Variants in CYP19A1 observed in about 807,000 individuals in gnomAD.
CYP19A1 encodes aromatase.
In CYP19A1, 32 loss-of-function variants were observed where a neutral mutation model predicts 44.4. The observed-to-expected ratio is 0.72, with a 90% CI of 0.54 to 0.97. The LOEUF (loss-of-function observed/expected upper bound fraction) is 0.97, where lower values mean the gene tolerates loss of function less well. Among genes scored for constraint, CYP19A1 ranks in the 50% least tolerant of loss-of-function variants. CYP19A1 has a pLI of 0.00. For synonymous variants in CYP19A1, 212 were observed against 215.6 expected (o/e 0.98, Z 0.14); for missense variants, 598 against 637.8 (o/e 0.94, Z 0.67).
rs2032210739 is a variant in CYP19A1 at position 51,222,602 on chromosome 15, T to TA, written c.452-78_452-77insT. The TA allele has an allele frequency of 5.3e-6, 6 of 1,138,846 alleles. No homozygotes were observed. The Admixed American group carries it at 9.6e-5, about 18-fold the overall frequency. The allele number at this position is 1,138,846 out of a possible 1,614,324, so 70.5% of individuals were successfully genotyped here. On this transcript the variant is annotated intron_variant, in intron 4 of 9. Coordinates refer to ENST00000396402, the MANE Select transcript of CYP19A1 (RefSeq NM_000103.4). Reference sequence around the variant, plus strand: ...ACAATCATGCCATTTTGGCTTTTTATGTTGGAGCTTAATTGTCCACAATTT... The same window carrying TA: ...ACAATCATGCCATTTTGGCTTTTTATAGTTGGAGCTTAATTGTCCACAATTT...
intron 1 of CYP19A1, among the ~76,000 whole-genome samples, chr15:51,329,455 A>G (rs1006149206): frequency 6.6e-6 from 1 of 152,238 alleles, no homozygotes; most frequent in Admixed American, 6.5e-5. Flanking sequence ...TTTGAGAAAC[A>G]GCAGAAGACA....
chr15:51,309,575 T>G (rs1048297524), intron 1 of CYP19A1, among the ~76,000 whole-genome samples: 1 of 152,198 alleles, frequency 6.6e-6, no homozygotes, highest in Non-Finnish European at 1.5e-5. Context: ...AGTCTATGTT[T>G]AGTAGGCAAG....
intron 1 of CYP19A1, among the ~76,000 whole-genome samples, chr15:51,276,768 C>T (rs2035323637): frequency 6.6e-6 from 1 of 152,300 alleles, no homozygotes; most frequent in South Asian, 2.1e-4. Context: ...TGCCTGAAGT[C>T]GGTAGCAGTA....
rs1395927463 is a variant in CYP19A1, at chr15:51,210,454, G to T, written c.*354C>A. On this transcript the variant is annotated 3_prime_UTR_variant, in exon 10 of 10. Transcript: ENST00000396402. ...GCCCCAGACATAAAAATCCCCTTGG[G>T]TTGAGGCAGTAGAGCTCTACTGGGG... 3.8e-6 allele frequency: 2 copies of T among 526,182 alleles called. No homozygotes were observed. Among genetic ancestry groups the T allele is most frequent in the African/African-American group, 3.8e-5 (2 of 53,232 alleles). The allele number at this position is 526,182 out of a possible 1,614,324, so 32.6% of individuals were successfully genotyped here. A position where few individuals can be genotyped will look rare whatever the true frequency, so the allele number is the denominator to read the frequency against.
intron 1 of CYP19A1, among the ~76,000 whole-genome samples, chr15:51,284,314 A>T (rs1186723119): frequency 6.6e-6 from 1 of 152,232 alleles, no homozygotes; most frequent in Non-Finnish European, 1.5e-5. Flanking sequence ...ACTGGAGCTG[A>T]TGTCTCTATT....
chr15:51,334,558 T>C (rs143983252), intron 1 of CYP19A1, among the ~76,000 whole-genome samples: 1 of 152,356 alleles, frequency 6.6e-6, no homozygotes, highest in African/African-American at 2.4e-5. Context: ...ATTCTCATGA[T>C]TGCACAGAAT....
chr15:51,230,061 G>T (rs1229260315), intron 3 of CYP19A1, among the ~76,000 whole-genome samples: 1 of 152,200 alleles, frequency 6.6e-6, no homozygotes, highest in Non-Finnish European at 1.5e-5. Flanking sequence ...GGCTTGTTAG[G>T]GACAAAGCTA....
intron 9 of CYP19A1, 137 bp downstream of exon 9, chr15:51,212,183 G>T: frequency 1.3e-6 from 1 of 767,506 alleles, no homozygotes. Flanking sequence ...TAGGGGACGT[G>T]TGTGCTCCTG....
At chr15:51,328,306 C>G (rs996288988) in intron 1 of CYP19A1, among the ~76,000 whole-genome samples, 21 of 152,176 alleles carry the variant, frequency 1.4e-4, no homozygotes, top group African/African-American at 5.1e-4. Flanking sequence ...AACAAGTTTT[C>G]ATGGACATAA....
chr15:51,232,262 A>T (rs1359147915), intron 3 of CYP19A1, among the ~76,000 whole-genome samples: 1 of 151,392 alleles, frequency 6.6e-6, no homozygotes, highest in Non-Finnish European at 1.5e-5. Context: ...GTCACCTGTG[A>T]CCTCCCTGTT....
Position 51,236,854 on chromosome 15 carries a change from C to T in CYP19A1, c.296+5G>A. 1 of 1,614,106 alleles carries T rather than the reference C, an allele frequency of 6.2e-7. No homozygotes were observed. Among genetic ancestry groups the T allele is most frequent in the Non-Finnish European group, 8.5e-7 (1 of 1,179,952 alleles). On this transcript the variant is annotated splice_donor_5th_base_variant and intron_variant, in intron 3 of 9. Coordinates refer to ENST00000396402, the MANE Select transcript of CYP19A1 (RefSeq NM_000103.4). ...AAGTATGTCTTCGATTATGAACAGA[C>T]TCACTTGCTGATAATGAGTGTTTCC...
rs2030859896 is a variant in CYP19A1, at chr15:51,210,692, A to T, written c.*116T>A. ...ACAACCCATAGGAGGTATGCCTATA[A>T]AATGCCATGGGCCACTGAGTGTTCA... On this transcript the variant is annotated 3_prime_UTR_variant, in exon 10 of 10. Coordinates refer to ENST00000396402, the MANE Select transcript of CYP19A1 (RefSeq NM_000103.4). 1 of 803,574 alleles carries T rather than the reference A, an allele frequency of 1.2e-6. No homozygotes were observed. Among genetic ancestry groups the T allele is most frequent in the Admixed American group, 1.7e-5 (1 of 58,934 alleles). The allele number at this position is 803,574 out of a possible 1,614,324, so 49.8% of individuals were successfully genotyped here. A position where few individuals can be genotyped will look rare whatever the true frequency, so the allele number is the denominator to read the frequency against.
At chr15:51,299,488 C>T (rs148194605) in intron 1 of CYP19A1, among the ~76,000 whole-genome samples, 140 of 152,300 alleles carry the variant, frequency 9.2e-4, no homozygotes, top group African/African-American at 3.1e-3. Flanking sequence ...CTGTTTCCAG[C>T]GTGGCCTTTG....
intron 1 of CYP19A1, among the ~76,000 whole-genome samples, chr15:51,279,623 C>T (rs1445601666): frequency 1.3e-5 from 2 of 152,212 alleles, no homozygotes; most frequent in Non-Finnish European, 1.5e-5. Context: ...ACACATGCAC[C>T]GATGACATAT....
chr15:51,282,020 C>G (rs1008143969), intron 1 of CYP19A1, among the ~76,000 whole-genome samples: 1 of 152,054 alleles, frequency 6.6e-6, no homozygotes, highest in African/African-American at 2.4e-5. Flanking sequence ...AGAAATAAAC[C>G]AAGCTTGCCC....
intron 1 of CYP19A1, among the ~76,000 whole-genome samples, chr15:51,287,778 C>A (rs936307): frequency 0.095 from 14,485 of 152,212 alleles, 783 homozygotes; most frequent in African/African-American, 0.12. Flanking sequence ...GTACCACCTC[C>A]TTGGTGTCTG....
intron 3 of CYP19A1, among the ~76,000 whole-genome samples, chr15:51,229,814 A>G (rs1206404773): frequency 6.6e-6 from 1 of 152,252 alleles, no homozygotes; most frequent in Non-Finnish European, 1.5e-5. Context: ...CACTTAAAGG[A>G]CAAACACTAT....
chr15:51,308,679 G>A (rs1038261392), intron 1 of CYP19A1, among the ~76,000 whole-genome samples: 43 of 152,222 alleles, frequency 2.8e-4, no homozygotes, highest in African/African-American at 9.9e-4. Context: ...AGAGGCCGGC[G>A]CAGTAGGTAA....
At chr15:51,305,988 G>A (rs1482366461) in intron 1 of CYP19A1, among the ~76,000 whole-genome samples, 2 of 152,134 alleles carry the variant, frequency 1.3e-5, no homozygotes, top group Admixed American at 1.3e-4. Flanking sequence ...GAGAAGCTGG[G>A]AAGCAAAAAA....
Sources: allele counts gnomAD v4.1 joint callset (sites outside exome capture counted in the v4.1 genomes callset), GRCh38; gene constraint gnomAD v4.1.1; transcripts MANE v1.5; gene names NCBI Gene and HGNC (gene_info 2026-07-23, HGNC 2026-07-21).